BRAF: variants seen among roughly 807,000 people sequenced by gnomAD.
BRAF encodes B-Raf proto-oncogene, serine/threonine kinase.
A neutral mutation model predicts 104.6 loss-of-function variants in BRAF; 16 were observed. That is an observed-to-expected ratio of 0.15 (90% CI 0.10 to 0.23). The LOEUF is 0.23. BRAF is among the 10% of genes least tolerant of loss of function. BRAF has a pLI of 1.00. For synonymous variants in BRAF, 310 were observed against 341.6 expected (o/e 0.91, Z 1.02); for missense variants, 541 against 937.3 (o/e 0.58, Z 5.52).
chr7:140,812,740 A>T (rs1404425440), intron 3 of BRAF, among the ~76,000 whole-genome samples: 1 of 152,228 alleles, frequency 6.6e-6, no homozygotes, highest in African/African-American at 2.4e-5. Context: ...ACCCTAACAC[A>T]TAAAGAAAGT....
chr7:140,730,694 T>C (rs1795891996), intron 19 of BRAF: 1 of 143,256 alleles, frequency 7.0e-6, no homozygotes, highest in Non-Finnish European at 1.5e-5. Context: ...TATTTAGGAA[T>C]AGAGCAGAGA....
chr7:140,915,917 G>A (rs926901199), intron 1 of BRAF, among the ~76,000 whole-genome samples: 1 of 151,976 alleles, frequency 6.6e-6, no homozygotes, highest in Non-Finnish European at 1.5e-5. Flanking sequence ...CCAGCACTCT[G>A]GGAAGGACTG....
chr7:140,823,916 T>C (rs912444576), intron 3 of BRAF: 1 of 152,188 alleles, frequency 6.6e-6, no homozygotes, highest in African/African-American at 2.4e-5. Flanking sequence ...TAATTAGCAA[T>C]GTTGGGCATC....
intron 3 of BRAF, among the ~76,000 whole-genome samples, chr7:140,828,069 A>G (rs1289416419): frequency 1.3e-5 from 2 of 151,860 alleles, no homozygotes; most frequent in Non-Finnish European, 2.9e-5. Flanking sequence ...CCAATTTTGT[A>G]TTTATAGTAG....
intron 17 of BRAF, chr7:140,740,545 T>G (rs1049615947): frequency 6.6e-6 from 1 of 152,236 alleles, no homozygotes; most frequent in Non-Finnish European, 1.5e-5. Flanking sequence ...TTTATAATTT[T>G]TTCTAATTTC....
At chr7:140,762,405 C>T (rs1020047199) in intron 14 of BRAF, among the ~76,000 whole-genome samples, 1 of 152,158 alleles carries the variant, frequency 6.6e-6, no homozygotes, top group African/African-American at 2.4e-5. Context: ...TAGAGGGACA[C>T]TTATAGCACT....
intron 2 of BRAF, among the ~76,000 whole-genome samples, chr7:140,839,742 A>G (rs1221337768): frequency 6.6e-6 from 1 of 152,224 alleles, no homozygotes; most frequent in Admixed American, 6.5e-5. Flanking sequence ...AAAGAAAAAG[A>G]TAAAAGAATA....
intron 8 of BRAF, among the ~76,000 whole-genome samples, chr7:140,790,079 T>A (rs569131788): frequency 1.3e-5 from 2 of 152,184 alleles, no homozygotes; most frequent in African/African-American, 4.8e-5. Context: ...TGGTCACTGA[T>A]AAAGCAGTCA....
chr7:140,857,806 A>G (rs546524364), intron 1 of BRAF, among the ~76,000 whole-genome samples: 2 of 152,290 alleles, frequency 1.3e-5, no homozygotes, highest in East Asian at 3.9e-4. Context: ...GATTTTCAGC[A>G]AAAAGAATAA....
At chr7:140,790,027 G>A (rs1354944376) in intron 8 of BRAF, among the ~76,000 whole-genome samples, 1 of 152,204 alleles carries the variant, frequency 6.6e-6, no homozygotes, top group African/African-American at 2.4e-5. Flanking sequence ...ACTGCACCCA[G>A]CCGATAAGAT....
At position 140,922,918 on chromosome 7, in the gene BRAF, T is replaced by C. The variant is rs556653309; in HGVS notation, c.138+1648A>G. Among the ~76,000 whole-genome samples, 10 of 152,020 alleles carry C rather than the reference T, an allele frequency of 6.6e-5. No individual in the cohort carries two copies. The South Asian group carries it at 8.3e-4, about 13-fold the overall frequency. On this transcript the variant is annotated intron_variant, in intron 1 of 19. Coordinates refer to ENST00000644969, the MANE Select transcript of BRAF (RefSeq NM_001374258.1). ...AAGGGAAACAGAATAAACTAGGAAA[T>C]TGAAGTAGAGAAGAGCTTTCTCCTT... is the stretch of plus-strand genomic sequence containing the variant.
intron 1 of BRAF, among the ~76,000 whole-genome samples, chr7:140,868,474 C>T (rs1451126229): frequency 2.0e-5 from 3 of 151,854 alleles, no homozygotes; most frequent in Non-Finnish European, 4.4e-5. Flanking sequence ...AAGAAGCAGT[C>T]ACAAAAAACC....
intron 2 of BRAF, chr7:140,835,921 T>C (rs532149150): frequency 1.8e-4 from 28 of 152,310 alleles, no homozygotes; most frequent in African/African-American, 5.5e-4. Context: ...AGTTTACTGT[T>C]GGGCAGTGGA....
intron 1 of BRAF, among the ~76,000 whole-genome samples, chr7:140,879,089 G>A (rs978001913): frequency 6.6e-6 from 1 of 151,762 alleles, no homozygotes; most frequent in Non-Finnish European, 1.5e-5. Flanking sequence ...TGTTGGTCAG[G>A]CTAGTCTCGA....
chr7:140,749,386 A>G lies in BRAF; in HGVS notation c.2013T>C (p.Asn671=). 1 of 1,613,156 alleles carries G rather than the reference A, an allele frequency of 6.2e-7. No individual in the cohort carries two copies. The highest frequency in any genetic ancestry group is 8.5e-7 in the Non-Finnish European group (1 of 1,179,480). The part of the protein sequence containing the change: ...APEVIRMQDK[N]PYSFQSDVYA... ...ATACATCTGACTGAAAGCTGTATGGATTTTTATCTTGCATTCTGATGACTT... is the reference window on the plus strand; with the variant it reads ...ATACATCTGACTGAAAGCTGTATGGGTTTTTATCTTGCATTCTGATGACTT... The change falls in exon 17 of 20, where the codon AAT becomes AAC. Residue 671 remains asparagine (N), a synonymous_variant. Coordinates refer to ENST00000644969, the MANE Select transcript of BRAF (RefSeq NM_001374258.1).
chr7:140,768,988 T>G (rs1394180512), intron 14 of BRAF, among the ~76,000 whole-genome samples: 1 of 152,138 alleles, frequency 6.6e-6, no homozygotes, highest in African/African-American at 2.4e-5. Flanking sequence ...CCTCTAGAAC[T>G]ATGAGAAATA....
intron 14 of BRAF, among the ~76,000 whole-genome samples, chr7:140,757,296 G>C (rs1393771529): frequency 6.6e-5 from 10 of 151,856 alleles, no homozygotes; most frequent in Non-Finnish European, 1.5e-5. Flanking sequence ...GACTTGACTA[G>C]GATTTTTTTT....
intron 11 of BRAF, 38 bp from the exon 11 acceptor site, chr7:140,781,731 C>A (rs1379615907): frequency 1.3e-6 from 2 of 1,541,626 alleles, no homozygotes; most frequent in Admixed American, 1.7e-5. Context: ...TCAAGCCAAA[C>A]AGAAAAAGAA....
Position 140,924,652 on chromosome 7 carries a change from G to C in BRAF, c.52C>G (p.Leu18Val), listed in dbSNP as rs1222192591. The C allele has an allele frequency of 1.0e-5, 15 of 1,430,694 alleles. No homozygotes were observed. In the African/African-American group the frequency reaches 1.7e-4, roughly 17 times the overall value. 88.6% of individuals were successfully genotyped at this position (1,430,694 alleles called of 1,614,324 possible). A position where few individuals can be genotyped will look rare whatever the true frequency, so the allele number is the denominator to read the frequency against. ...GGGGAEPGQALFNGDMEPEAG... is the reference protein window; with the variant it reads ...GGGGAEPGQAVFNGDMEPEAG... ...TCGGGCTCCATGTCCCCGTTGAACA[G>C]AGCCTGGCCCGGCTCCGCGCCGCCA... The change falls in exon 1 of 20, where the codon CTG becomes GTG. Residue 18 changes from leucine (L) to valine (V), a missense_variant. Transcript: ENST00000644969. The surrounding 1 kb of genome is among the most constrained non-coding windows in gnomAD (Gnocchi z 4.2).
Sources: allele counts gnomAD v4.1 joint callset (sites outside exome capture counted in the v4.1 genomes callset), GRCh38; gene constraint gnomAD v4.1.1; non-coding constraint Gnocchi (gnomAD v3.1); transcripts MANE v1.5; gene names NCBI Gene and HGNC (gene_info 2026-07-23, HGNC 2026-07-21).